GARNL3: variants seen among roughly 807,000 people sequenced by gnomAD.
GARNL3 encodes GTPase activating Rap/RanGAP domain like 3, also known as GTPase-activating Rap/Ran-GAP domain-like protein 3.
A neutral mutation model predicts 125.0 loss-of-function variants in GARNL3; 63 were observed. The observed-to-expected ratio is 0.50, with a 90% CI of 0.41 to 0.62. The LOEUF is 0.62. GARNL3 is among the 20% of genes least tolerant of loss of function. The pLI is 0.00. For synonymous variants in GARNL3, 439 were observed against 457.5 expected (o/e 0.96, Z 0.52); for missense variants, 994 against 1,244.0 (o/e 0.80, Z 3.02).
intron 22 of GARNL3, among the ~76,000 whole-genome samples, chr9:127,368,612 T>A (rs955198637): frequency 1.4e-5 from 2 of 147,270 alleles, no homozygotes; most frequent in Non-Finnish European, 3.0e-5. Context: ...ATTACAGGCG[T>A]GAACCACTGT....
intron 17 of GARNL3, among the ~76,000 whole-genome samples, chr9:127,351,498 T>G (rs900272018): frequency 2.0e-5 from 3 of 152,218 alleles, no homozygotes; most frequent in African/African-American, 7.2e-5. Context: ...AGAAGAATCT[T>G]CAGGGCCTTC....
chr9:127,281,620 A>G (rs554205761), intron 1 of GARNL3, among the ~76,000 whole-genome samples: 3 of 151,914 alleles, frequency 2.0e-5, no homozygotes. Flanking sequence ...CCTTCCCCCT[A>G]CTCTGGTCCT....
intron 1 of GARNL3, among the ~76,000 whole-genome samples, chr9:127,279,224 C>T (rs1247926356): frequency 6.6e-6 from 1 of 151,376 alleles, no homozygotes; most frequent in Non-Finnish European, 1.5e-5. Flanking sequence ...TCATTTTTTA[C>T]ATGTTTTCCA....
Position 127,255,928 on chromosome 9 carries a change from C to T in GARNL3, c.144-9024C>T, listed in dbSNP as rs528123078. ...CTGTTCCAAATAGTAGGCATCCCTT[C>T]AAGGTCTGGGCACAGCTGGGGGCAG... On this transcript the variant is annotated intron_variant, in intron 2 of 10. Transcript: ENST00000439286. Among the ~76,000 whole-genome samples, 19 of 152,266 alleles carry T rather than the reference C, an allele frequency of 1.2e-4. No individual in the cohort carries two copies. In the South Asian group the frequency reaches 1.7e-3, roughly 13 times the overall value.
chr9:127,352,266 C>G (rs1023420065), intron 17 of GARNL3, among the ~76,000 whole-genome samples: 1 of 152,190 alleles, frequency 6.6e-6, no homozygotes, highest in Non-Finnish European at 1.5e-5. Context: ...CAGGCTCCTC[C>G]TTTGTTCAAT....
At chr9:127,276,722 A>G (rs2063967061) in intron 1 of GARNL3, among the ~76,000 whole-genome samples, 1 of 152,256 alleles carries the variant, frequency 6.6e-6, no homozygotes, top group African/African-American at 2.4e-5. Flanking sequence ...TCCAGAAACC[A>G]AGAAATCACA....
At chr9:127,268,195 A>G (rs1276240731) in intron 1 of GARNL3, among the ~76,000 whole-genome samples, 1 of 152,162 alleles carries the variant, frequency 6.6e-6, no homozygotes, top group Non-Finnish European at 1.5e-5. Flanking sequence ...TAGCAGCCTC[A>G]CACCGTGTCC....
At chr9:127,321,503 T>C (rs2131515748) in intron 6 of GARNL3, among the ~76,000 whole-genome samples, 1 of 152,352 alleles carries the variant, frequency 6.6e-6, no homozygotes, top group East Asian at 1.9e-4. Context: ...CTGCGCTGGC[T>C]ACCATCGAGG....
At chr9:127,227,487 A>G (rs999229887) in intron 1 of GARNL3, among the ~76,000 whole-genome samples, 10 of 151,996 alleles carry the variant, frequency 6.6e-5, no homozygotes, top group Non-Finnish European at 1.5e-4. Context: ...TGTAATCCCA[A>G]CTACTGAGGA....
At chr9:127,356,877 T>G (rs1830716663) in intron 20 of GARNL3, among the ~76,000 whole-genome samples, 1 of 152,210 alleles carries the variant, frequency 6.6e-6, no homozygotes, top group Non-Finnish European at 1.5e-5. Context: ...CACAAATAGA[T>G]TAGTTAGCAA....
Position 127,387,041 on chromosome 9 carries a change from G to C in GARNL3, c.2389-152G>C, listed in dbSNP as rs549220451. On this transcript the variant is annotated intron_variant, in intron 24 of 27. Transcript: ENST00000373387. ...GCCACGCTGGGCTTTCCTCCAGAAG[G>C]CTCTCTCCATCCCTCGCCCCGGCAT... is the stretch of plus-strand genomic sequence containing the variant. 3.5e-4 allele frequency: 235 copies of C among 666,600 alleles called. 1 individual carries two copies. Among genetic ancestry groups the C allele is most frequent in the Admixed American group, 5.1e-4 (18 of 35,584 alleles). 41.3% of individuals were successfully genotyped at this position (666,600 alleles called of 1,614,324 possible).
At chr9:127,318,391 T>C (rs1340114447) in intron 5 of GARNL3, among the ~76,000 whole-genome samples, 1 of 152,182 alleles carries the variant, frequency 6.6e-6, no homozygotes, top group Non-Finnish European at 1.5e-5. Context: ...AAGTGTGTAG[T>C]GGAACCAAGG....
intron 17 of GARNL3, among the ~76,000 whole-genome samples, chr9:127,352,342 A>G (rs775376828): frequency 9.2e-5 from 14 of 152,166 alleles, no homozygotes; most frequent in Non-Finnish European, 1.8e-4. Context: ...ATGAAACCCT[A>G]AGCATTAGGG....
At chr9:127,333,149 T>G (rs1309591998) in intron 9 of GARNL3, 28 bp downstream of exon 9, 2 of 1,558,560 alleles carry the variant, frequency 1.3e-6, no homozygotes, top group East Asian at 4.5e-5. Flanking sequence ...TCTATTCTGT[T>G]GTAATTTGTA....
At chr9:127,291,759 CCT>C (rs2064427430) in intron 2 of GARNL3, among the ~76,000 whole-genome samples, 1 of 136,206 alleles carries the variant, frequency 7.3e-6, no homozygotes, top group Non-Finnish European at 1.5e-5. Flanking sequence ...TTGCCACTAC[CCT>C]CTCTATCCCA....
In GARNL3 at chr9:127,379,024, C is replaced by T. The variant is rs568133857; in HGVS notation, c.2162-4414C>T. Among the ~76,000 whole-genome samples, 174 of 152,240 alleles carry T rather than the reference C, an allele frequency of 1.1e-3. 1 individual carries two copies. The East Asian group carries it at 0.013, about 12-fold the overall frequency. On this transcript the variant is annotated intron_variant, in intron 22 of 27. Transcript: ENST00000373387. ...AACTCCTGACCTCAAGTGATCTGCC[C>T]GCCTTGGCCTCCCAAAGTGCTGAGA...
intron 22 of GARNL3, among the ~76,000 whole-genome samples, chr9:127,382,383 G>A (rs1437426300): frequency 1.3e-5 from 2 of 152,124 alleles, no homozygotes; most frequent in East Asian, 1.9e-4. Flanking sequence ...TTGGGAGGCT[G>A]AGACAAGAGG....
Position 127,335,272 on chromosome 9 carries a change from G to A in GARNL3, c.812G>A (p.Gly271Glu), listed in dbSNP as rs1287364947. The A allele has an allele frequency of 6.8e-6, 11 of 1,613,858 alleles. No individual in the cohort carries two copies. Among genetic ancestry groups the A allele is most frequent in the Non-Finnish European group, 9.3e-6 (11 of 1,179,896 alleles). Residue 271 changes from glycine to glutamate, a missense_variant, in exon 10 of 28, where the codon GGG (glycine) becomes GAG (glutamate). Gly to Glu is a moderately conservative substitution (Grantham distance 98, BLOSUM62 -2). Transcript: ENST00000373387. ...GIHSVYTVYQGHEIMFHVSTM... is the reference protein window; with the variant it reads ...GIHSVYTVYQEHEIMFHVSTM... ...CATTCAGTTTATACTGTGTACCAAG[G>A]GCATGAGATCATGTTTCATGTTTCC... is the stretch of plus-strand genomic sequence containing the variant.
chr9:127,299,428 G>T (rs958863036), intron 2 of GARNL3, among the ~76,000 whole-genome samples: 1 of 152,050 alleles, frequency 6.6e-6, no homozygotes, highest in Admixed American at 6.6e-5. Context: ...TCTGACTTTG[G>T]CAATAAAAAA....
Sources: gnomAD v4.1 joint callset for allele counts (sites outside exome capture counted in the v4.1 genomes callset) on GRCh38, gnomAD v4.1.1 for gene constraint, MANE v1.5 for transcripts, NCBI Gene and HGNC (gene_info 2026-07-23, HGNC 2026-07-21) for gene names.